CITED1: variants seen among roughly 807,000 people sequenced by gnomAD.
The protein encoded by CITED1 is Cbp/p300 interacting transactivator with ED-rich tail 1.
CITED1 carries 3 observed loss-of-function variants against 8.5 expected under a neutral mutation model. The ratio of observed to expected loss-of-function variants is 0.35; its 90% CI spans 0.16 to 0.91. The LOEUF is 0.91. Ranked by LOEUF, CITED1 falls within the 40% of genes least tolerant of loss-of-function variation. CITED1 has a pLI of 0.46. For synonymous variants in CITED1, 54 were observed against 67.4 expected (o/e 0.80, Z 0.97); for missense variants, 113 against 154.8 (o/e 0.73, Z 1.43).
intron 1 of CITED1, among the ~76,000 whole-genome samples, chrX:72,303,369 T>A (rs1459091882): frequency 8.9e-6 from 1 of 112,024 alleles, no homozygotes; most frequent in African/African-American, 3.2e-5. Context: ...TGAGAAGAAG[T>A]CAGGGCAAGG....
At chrX:72,302,370 C>A (rs1374373468) in intron 2 of CITED1, 126 bp from the exon 3 acceptor site, 1 of 852,829 alleles carries the variant, frequency 1.2e-6, no homozygotes, top group Non-Finnish European at 1.6e-6. Flanking sequence ...AGCAAGACGA[C>A]CCCCTTGAAA....
chrX:72,302,120 G>C lies in CITED1; in HGVS notation c.185C>G (p.Thr62Ser), dbSNP rs1191098706. ...SNGTKASGAP[T>S]SSSGSPIGSP... ...GCCTATTGGAGATCCCGAGGAACTA[G>C]TGGGAGCCCCACTGGCCTTGGTTCC... The change falls in exon 3 of 3, where the codon ACT becomes AGT. Residue 62 changes from threonine to serine, a missense_variant. By Grantham distance (58) the Thr-to-Ser change is moderately conservative. Coordinates refer to ENST00000651998, the MANE Select transcript of CITED1 (RefSeq NM_001144887.2). The C allele has an allele frequency of 5.9e-6, 7 of 1,188,806 alleles. No homozygotes were observed. Among genetic ancestry groups the C allele is most frequent in the Non-Finnish European group, 7.9e-6 (7 of 884,004 alleles).
chrX:72,305,206 C>T, intron 1 of CITED1: 1 of 831,774 alleles, frequency 1.2e-6, no homozygotes, highest in Non-Finnish European at 1.7e-6. Flanking sequence ...CCCGCCTAGA[C>T]AGGGGTGGGA....
chrX:72,302,197 C>T lies in CITED1; in HGVS notation c.108G>A (p.Val36=), dbSNP rs1250374719. 1 of 1,206,753 alleles carries T rather than the reference C, an allele frequency of 8.3e-7. No individual in the cohort carries two copies. Among genetic ancestry groups the T allele is most frequent in the Non-Finnish European group, 1.1e-6 (1 of 892,829 alleles). ...MSSVAYSNLA[V]KDRKAVAILH... is the part of the protein sequence containing the mutation. The stretch of plus-strand genomic sequence containing the variant: ...GAATGGCCACTGCTTTGCGATCTTT[C>T]ACCGCAAGGTTGGAGTAGGCCACGG... The change falls in exon 3 of 3, where the codon GTG becomes GTA. Residue 36 remains valine, a synonymous_variant. Coordinates refer to ENST00000651998, the MANE Select transcript of CITED1 (RefSeq NM_001144887.2).
chrX:72,304,026 G>A (rs2043312879), intron 1 of CITED1: 1 of 302,075 alleles, frequency 3.3e-6, no homozygotes, highest in Non-Finnish European at 4.4e-6. Flanking sequence ...ACCAGGCTGG[G>A]CAACATAGCG....
chrX:72,304,950 C>G (rs1265098138), intron 1 of CITED1, among the ~76,000 whole-genome samples: 2 of 112,963 alleles, frequency 1.8e-5, no homozygotes, highest in Non-Finnish European at 3.7e-5. Context: ...TCTGCTTCCC[C>G]GGCTTTCTGC....
chrX:72,305,992 G>A (rs1384440898), upstream of CITED1: 1 of 111,519 alleles, frequency 9.0e-6, no homozygotes, highest in Non-Finnish European at 1.9e-5. Flanking sequence ...TGTGTCGGGG[G>A]AGGGGAGGGC....
chrX:72,302,983 A>G (rs2043304068), intron 1 of CITED1, 49 bp from the exon 2 acceptor site: 1 of 1,182,725 alleles, frequency 8.5e-7, no homozygotes, highest in African/African-American at 1.7e-5. Context: ...TTCACTGACC[A>G]ACAAAGCACT....
Position 72,301,649 on chromosome X carries a change from C to G in CITED1, c.*74G>C, listed in dbSNP as rs2043287247. On this transcript the variant is annotated 3_prime_UTR_variant, in exon 3 of 3. Transcript: ENST00000651998. The stretch of plus-strand genomic sequence containing the variant: ...AAGAACACCTCTAGTTGGCCCGTCT[C>G]TTTGTAAGTAACTTTATTTTTATTT... The G allele has an allele frequency of 8.6e-7, 1 of 1,165,231 alleles. No homozygotes were observed. The highest frequency in any genetic ancestry group is 1.2e-6 in the Non-Finnish European group (1 of 869,237).
chrX:72,302,863 T>C lies in CITED1; in HGVS notation c.7A>G (p.Thr3Ala). 1 of 1,211,879 alleles carries C rather than the reference T, an allele frequency of 8.3e-7. No homozygotes were observed. The highest frequency in any genetic ancestry group is 1.1e-6 in the Non-Finnish European group (1 of 895,239). MP[T>A]TSRPALDVKG... ...ACATCAAGTGCAGGCCTCGACGTTGTTGGCATTTCAGAGCCTTGGCAGAAG... is the reference window on the plus strand; with the variant it reads ...ACATCAAGTGCAGGCCTCGACGTTGCTGGCATTTCAGAGCCTTGGCAGAAG... The change falls in exon 2 of 3, where the codon ACA (threonine) becomes GCA (alanine). Residue 3 changes from threonine to alanine, a missense_variant. Physicochemically the swap from Thr to Ala is moderately conservative, Grantham distance 58. Transcript: ENST00000651998.
At chrX:72,304,648 GCAA>G (rs2043318616) in intron 1 of CITED1, among the ~76,000 whole-genome samples, 2 of 111,711 alleles carry the variant, frequency 1.8e-5, no homozygotes, top group Non-Finnish European at 3.8e-5. Flanking sequence ...AGGAGCAGCA[GCAA>G]CAACAGCAAA....
upstream of CITED1, among the ~76,000 whole-genome samples, chrX:72,306,267 G>T (rs767789742): frequency 1.8e-5 from 2 of 110,642 alleles, no homozygotes; most frequent in Admixed American, 9.4e-5. Context: ...CCCGCTGGCC[G>T]GCAGGGGGGC....
chrX:72,305,469 A>G, intron 1 of CITED1: 1 of 473,999 alleles, frequency 2.1e-6, no homozygotes, highest in Non-Finnish European at 3.6e-6. Context: ...TCCTCGCCGC[A>G]TCCCAGATGG....
At chrX:72,303,583 C>G (rs2043308971) in intron 1 of CITED1, among the ~76,000 whole-genome samples, 1 of 111,795 alleles carries the variant, frequency 8.9e-6, no homozygotes, top group Admixed American at 9.5e-5. Flanking sequence ...CAAGACAGCC[C>G]CAGCATTGGG....
At chrX:72,304,088 T>A (rs9988286) in intron 1 of CITED1, 1 of 645,505 alleles carries the variant, frequency 1.5e-6, no homozygotes, top group Non-Finnish European at 1.8e-6. Context: ...GCTTTCATGA[T>A]CAATTAGAGA....
rs771619267 is a variant in CITED1, at chrX:72,302,152, G to A, written c.153C>T (p.Ala51=). The A allele has an allele frequency of 2.2e-5, 26 of 1,195,628 alleles. No homozygotes were observed. The highest frequency in any genetic ancestry group is 2.8e-5 in the Non-Finnish European group (25 of 887,415). The change falls in exon 3 of 3, where the codon GCC becomes GCT. Residue 51 remains alanine, a synonymous_variant. Coordinates refer to ENST00000651998, the MANE Select transcript of CITED1 (RefSeq NM_001144887.2). ...CCCCACTGGCCTTGGTTCCATTTGA[G>A]GCTACCCCAGGGTAGTGCAGAATGG... ...AVAILHYPGV[A]SNGTKASGAP...
intron 1 of CITED1, among the ~76,000 whole-genome samples, chrX:72,304,728 T>C (rs904206910): frequency 1.8e-5 from 2 of 111,551 alleles, no homozygotes; most frequent in African/African-American, 6.5e-5. Context: ...TATTCTGATA[T>C]CAGTTCGTGG....
At chrX:72,304,386 C>T (rs1300520276) in intron 1 of CITED1, among the ~76,000 whole-genome samples, 1 of 111,453 alleles carries the variant, frequency 9.0e-6, no homozygotes, top group Non-Finnish European at 1.9e-5. Flanking sequence ...TTGGGTCCCG[C>T]ATCATTGCTT....
chrX:72,302,113 G>A lies in CITED1; in HGVS notation c.192C>T (p.Ser64=). ...GTKASGAPTS[S]SGSPIGSPTT... ...TAGGAGAGCCTATTGGAGATCCCGA[G>A]GAACTAGTGGGAGCCCCACTGGCCT... The change falls in exon 3 of 3, where the codon TCC becomes TCT. Residue 64 remains serine, a synonymous_variant. Coordinates refer to ENST00000651998, the MANE Select transcript of CITED1 (RefSeq NM_001144887.2). The A allele has an allele frequency of 5.0e-6, 6 of 1,188,623 alleles. No homozygotes were observed. In the South Asian group the frequency reaches 1.1e-4, roughly 22 times the overall value.
Sources: gnomAD v4.1 joint callset for allele counts (sites outside exome capture counted in the v4.1 genomes callset) on GRCh38, gnomAD v4.1.1 for gene constraint, MANE v1.5 for transcripts, NCBI Gene and HGNC (gene_info 2026-07-23, HGNC 2026-07-21) for gene names.